BID: variants seen among roughly 807,000 people sequenced by gnomAD.
BID encodes BH3 interacting domain death agonist, also known as BH3-interacting domain death agonist.
BID carries 19 observed loss-of-function variants against 17.4 expected under a neutral mutation model. That is an observed-to-expected ratio of 1.09 (90% CI 0.76 to 1.60). The LOEUF is 1.60. BID is among the 40% of genes most tolerant of loss of function. The pLI is 0.00. For missense variants in BID, 226 were observed against 256.0 expected, an observed-to-expected ratio of 0.88 and a Z score of 0.80; for synonymous variants, 108 against 102.8, an observed-to-expected ratio of 1.05 and a Z score of -0.31.
Position 17,773,489 on chromosome 22 carries a change from G to A in BID, c.-59+892C>T. 1 of 991,604 alleles carries A rather than the reference G, an allele frequency of 1.0e-6. No homozygotes were observed. Among genetic ancestry groups the A allele is most frequent in the South Asian group, 1.4e-5 (1 of 73,756 alleles). 61.4% of individuals were successfully genotyped at this position (991,604 alleles called of 1,614,324 possible). A position where few individuals can be genotyped will look rare whatever the true frequency, so the allele number is the denominator to read the frequency against. ...GGTGTGGATAAGGCTCCAGGAAGGG[G>A]GTGCAAGCCTGAGAAGGTGGAAGAG... On this transcript the variant is annotated intron_variant, in intron 1 of 5. Transcript: ENST00000622694. The surrounding 1 kb of genome is among the most constrained non-coding windows in gnomAD (Gnocchi z 4.4).
intron 1 of BID, among the ~76,000 whole-genome samples, chr22:17,751,669 C>T (rs79536673): frequency 0.016 from 2,440 of 152,326 alleles, 69 homozygotes; most frequent in African/African-American, 0.056. Flanking sequence ...CCCACCTCCC[C>T]ACCTGGGGGC....
rs558749286 is a variant in BID at position 17,751,921 on chromosome 22, C to A, written c.-58-1747G>T. Among the ~76,000 whole-genome samples the A allele has an allele frequency of 4.2e-3, 634 of 152,340 alleles. 3 individuals carry two copies. The highest frequency in any genetic ancestry group is 0.015 in the African/African-American group (613 of 41,576). ...GACAAAGCGCAAGACAGACCCCACCCCAGGAAACAGGCCACAGAGGCCACG... is the reference window on the plus strand; with the variant it reads ...GACAAAGCGCAAGACAGACCCCACCACAGGAAACAGGCCACAGAGGCCACG... On this transcript the variant is annotated intron_variant, in intron 1 of 5. Transcript: ENST00000622694.
In BID at chr22:17,757,570, G is replaced by T. The variant is rs577311116; in HGVS notation, c.-58-7396C>A. ...AAAAATACAAAAAAATTAGCCGGGC[G>T]TGGTGGCGGGCGCCTGTAATCCCAG... On this transcript the variant is annotated intron_variant, in intron 1 of 5. Transcript: ENST00000622694. 2.6e-3 allele frequency among the ~76,000 whole-genome samples: 387 copies of T among 151,616 alleles called. 1 individual carries two copies. The highest frequency in any genetic ancestry group is 8.5e-3 in the African/African-American group (351 of 41,362).
chr22:17,757,809 C>T (rs2061605323), intron 1 of BID, among the ~76,000 whole-genome samples: 1 of 152,186 alleles, frequency 6.6e-6, no homozygotes, highest in Non-Finnish European at 1.5e-5. Context: ...AGGGTGTGTT[C>T]TCAGAGCTCC....
In BID at chr22:17,756,182, G is replaced by A. The variant is rs114345014; in HGVS notation, c.-58-6008C>T. Among the ~76,000 whole-genome samples the A allele has an allele frequency of 8.8e-3, 1,337 of 152,220 alleles. 18 individuals are homozygous for A. Among genetic ancestry groups the A allele is most frequent in the African/African-American group, 0.026 (1,071 of 41,546 alleles). On this transcript the variant is annotated intron_variant, in intron 1 of 5. Transcript: ENST00000622694. ...GCAGCCGGCCTGTTGTTGTTCTTAC[G>A]TGAACACATGTGAAAGGTTTTATTA...
rs903232389 is a variant in BID at position 17,744,076 on chromosome 22, G to C, written c.13-63C>G. 3 of 1,438,100 alleles carry C rather than the reference G, an allele frequency of 2.1e-6. No individual in the cohort carries two copies. The Admixed American group carries it at 5.2e-5, about 25-fold the overall frequency. 89.1% of individuals were successfully genotyped at this position (1,438,100 alleles called of 1,614,324 possible). A position where few individuals can be genotyped will look rare whatever the true frequency, so the allele number is the denominator to read the frequency against. On this transcript the variant is annotated intron_variant, in intron 2 of 5. Transcript: ENST00000622694. ...CCAGGCCAGAGGCCCCTCCTGCAAA[G>C]AGCTCCAGTTGCAGCTGGCCCAAAG...
intron 1 of BID, among the ~76,000 whole-genome samples, chr22:17,771,757 G>A (rs1461135210): frequency 6.8e-6 from 1 of 147,734 alleles, no homozygotes; most frequent in Admixed American, 6.6e-5. Context: ...GAGGCAGGCT[G>A]TGTTGGGGCT....
rs2061736641 is a variant in BID at position 17,773,588 on chromosome 22, G to GCCCAGCC, written c.-59+786_-59+792dup. ...GTGAAGGCCGGTCCAGCCGCAGAAG[G>GCCCAGCC]CCCAGCCCCCAGCCCACTTACAGAA... On this transcript the variant is annotated intron_variant, in intron 1 of 5. Transcript: ENST00000622694. This position sits in a 1 kb window ranked among gnomAD's most constrained non-coding sequence, Gnocchi z 4.4. 8 of 1,611,892 alleles carry GCCCAGCC rather than the reference G, an allele frequency of 5.0e-6. No individual in the cohort carries two copies. The highest frequency in any genetic ancestry group is 6.8e-6 in the Non-Finnish European group (8 of 1,179,694).
chr22:17,760,009 C>T (rs1462554754), intron 1 of BID, among the ~76,000 whole-genome samples: 1 of 151,566 alleles, frequency 6.6e-6, no homozygotes, highest in Non-Finnish European at 1.5e-5. Context: ...TGGTGGGCAC[C>T]TGTAGTCCCA....
At chr22:17,737,073 G>T (rs1569036493) in intron 5 of BID, among the ~76,000 whole-genome samples, 1 of 152,102 alleles carries the variant, frequency 6.6e-6, no homozygotes, top group African/African-American at 2.4e-5. Flanking sequence ...CCAAAGTGCT[G>T]GGATTACAGG....
chr22:17,770,251 C>CTGTAAAGGTGGACAGG (rs1348231272), intron 1 of BID, among the ~76,000 whole-genome samples: 38 of 152,294 alleles, frequency 2.5e-4, no homozygotes, highest in African/African-American at 8.7e-4. Flanking sequence ...GAGAGGGAAG[C>CTGTAAAGGTGGACAGG]TGTAAAGGTG....
rs960407008 is a variant in BID, at chr22:17,747,243, G to A, written c.12+2862C>T. ...GGCCCTGCAGGACAGGAGTGGGCTC[G>A]GAAGATGGATGCCATTTAATTCCAA... On this transcript the variant is annotated intron_variant, in intron 2 of 5. Coordinates refer to ENST00000622694, the MANE Select transcript of BID (RefSeq NM_001196.4). Among the ~76,000 whole-genome samples the A allele has an allele frequency of 3.9e-5, 6 of 152,194 alleles. No homozygotes were observed. In the South Asian group the frequency reaches 1.0e-3, roughly 26 times the overall value.
chr22:17,750,117 G>A lies in BID; in HGVS notation c.-1C>T. ...TCTGGCCTCTGACCTCACAGTCCATGGCCTGGGCAGCGCGGCAGCTCCGAC... is the reference window on the plus strand; with the variant it reads ...TCTGGCCTCTGACCTCACAGTCCATAGCCTGGGCAGCGCGGCAGCTCCGAC... On this transcript the variant is annotated 5_prime_UTR_variant, in exon 2 of 6. Coordinates refer to ENST00000622694, the MANE Select transcript of BID (RefSeq NM_001196.4). 1 of 1,613,326 alleles carries A rather than the reference G, an allele frequency of 6.2e-7. No individual in the cohort carries two copies. Among genetic ancestry groups the A allele is most frequent in the Non-Finnish European group, 8.5e-7 (1 of 1,179,918 alleles).
rs2061699779 is a variant in BID, at chr22:17,769,034, T to G, written c.-59+5347A>C. Among the ~76,000 whole-genome samples the G allele has an allele frequency of 6.9e-6, 1 of 145,872 alleles. No individual in the cohort carries two copies. Among genetic ancestry groups the G allele is most frequent in the Non-Finnish European group, 1.5e-5 (1 of 66,622 alleles). ...TCCAGCCTGGGCGACAGAGTGAGAC[T>G]CGTCTCAAAAATAAATAAATAAATA... On this transcript the variant is annotated intron_variant, in intron 1 of 5. Coordinates refer to ENST00000622694, the MANE Select transcript of BID (RefSeq NM_001196.4). The surrounding 1 kb of genome is among the most constrained non-coding windows in gnomAD (Gnocchi z 4.8).
intron 2 of BID, 21 bp from the exon 3 acceptor site, chr22:17,744,034 G>C: frequency 6.2e-7 from 1 of 1,602,814 alleles, no homozygotes; most frequent in East Asian, 2.2e-5. Context: ...AGGGGAGTCA[G>C]GAAGCCGGGA....
rs2061617075 is a variant in BID at position 17,759,241 on chromosome 22, C to CAAAACAAAAAAAAAA, written c.-58-9082_-58-9068dup. On this transcript the variant is annotated intron_variant, in intron 1 of 5. Transcript: ENST00000622694. ...AAAGACTCCGTCTCAAAACAAAAAACAAAACAAAAAAAAAAAAACAAAAGA... is the reference window on the plus strand; with the variant it reads ...AAAGACTCCGTCTCAAAACAAAAAACAAAACAAAAAAAAAAAAAACAAAAAAAAAAAAACAAAAGA... Among the ~76,000 whole-genome samples the CAAAACAAAAAAAAAA allele has an allele frequency of 4.1e-5, 4 of 97,058 alleles. 1 individual carries two copies. Among genetic ancestry groups the CAAAACAAAAAAAAAA allele is most frequent in the East Asian group, 5.0e-4 (1 of 1,990 alleles). 63.7% of individuals were successfully genotyped at this position (97,058 alleles called of 152,430 possible).
chr22:17,763,538 C>T (rs1395222216), intron 1 of BID, among the ~76,000 whole-genome samples: 1 of 152,200 alleles, frequency 6.6e-6, no homozygotes, highest in African/African-American at 2.4e-5. Context: ...ACCACCGTGC[C>T]TGGCCTTATT....
intron 1 of BID, among the ~76,000 whole-genome samples, chr22:17,771,314 C>A (rs906608033): frequency 6.6e-6 from 1 of 152,130 alleles, no homozygotes; most frequent in East Asian, 1.9e-4. Context: ...TTAGTCAGGA[C>A]GGTCTTGATC....
chr22:17,747,072 G>A (rs577328673), intron 2 of BID, among the ~76,000 whole-genome samples: 4 of 152,268 alleles, frequency 2.6e-5, no homozygotes, highest in Non-Finnish European at 5.9e-5. Flanking sequence ...GACTCGAGGC[G>A]GCAGGGAGGG....
Sources: allele counts gnomAD v4.1 joint callset (sites outside exome capture counted in the v4.1 genomes callset), GRCh38; gene constraint gnomAD v4.1.1; non-coding constraint Gnocchi (gnomAD v3.1); transcripts MANE v1.5; gene names NCBI Gene and HGNC (gene_info 2026-07-23, HGNC 2026-07-21).